Variants in DPYD observed in about 807,000 individuals in gnomAD.
The protein encoded by DPYD is dihydropyrimidine dehydrogenase [NADP(+)].
DPYD carries 109 observed loss-of-function variants against 116.2 expected under a neutral mutation model. The observed-to-expected ratio is 0.94, with a 90% CI of 0.80 to 1.10. DPYD has a LOEUF of 1.10. Among genes scored for constraint, DPYD ranks in the 50% least tolerant of loss-of-function variants. The pLI is 0.00. For missense variants in DPYD, 1,302 were observed against 1,254.5 expected, an observed-to-expected ratio of 1.04 and a Z score of -0.57; for synonymous variants, 440 against 432.0, an observed-to-expected ratio of 1.02 and a Z score of -0.23.
At position 97,566,141 on chromosome 1, in the gene DPYD, A is replaced by C. The variant is rs189058246; in HGVS notation, c.1339+7619T>G. The stretch of plus-strand genomic sequence containing the variant: ...CACTTCCTCTAGGAAGCTTCCCTGA[A>C]TGCTTAGACTCTGTTCTGTGCTTCC... On this transcript the variant is annotated intron_variant, in intron 11 of 22. Coordinates refer to ENST00000370192, the MANE Select transcript of DPYD (RefSeq NM_000110.4). Among the ~76,000 whole-genome samples, 11 of 152,226 alleles carry C rather than the reference A, an allele frequency of 7.2e-5. No homozygotes were observed. In the East Asian group the frequency reaches 1.7e-3, roughly 24 times the overall value.
chr1:97,139,827 C>G (rs1654081446), intron 20 of DPYD, among the ~76,000 whole-genome samples: 1 of 152,040 alleles, frequency 6.6e-6, no homozygotes, highest in Non-Finnish European at 1.5e-5. Context: ...GGGATCTTTC[C>G]CTGTCACCCA....
intron 3 of DPYD, among the ~76,000 whole-genome samples, chr1:97,759,562 A>T (rs956057294): frequency 6.6e-6 from 1 of 152,168 alleles, no homozygotes; most frequent in Non-Finnish European, 1.5e-5. Flanking sequence ...TTAGAAGACA[A>T]GCAAATTTTT....
intron 9 of DPYD, among the ~76,000 whole-genome samples, chr1:97,593,628 A>G (rs1007754974): frequency 2.0e-5 from 3 of 152,166 alleles, no homozygotes; most frequent in Non-Finnish European, 2.9e-5. Context: ...GGATTCCTAC[A>G]ACACATTTTG....
intron 14 of DPYD, among the ~76,000 whole-genome samples, chr1:97,398,648 T>C (rs573078052): frequency 6.6e-6 from 1 of 152,298 alleles, no homozygotes; most frequent in South Asian, 2.1e-4. Context: ...CTAACTGGTG[T>C]GAGATGGTAT....
chr1:97,403,586 T>C (rs1327496181), intron 14 of DPYD, among the ~76,000 whole-genome samples: 1 of 152,050 alleles, frequency 6.6e-6, no homozygotes, highest in Admixed American at 6.6e-5. Flanking sequence ...TCATCAAATC[T>C]GTGGGCATGG....
chr1:97,153,351 T>C (rs1171042925), intron 20 of DPYD, among the ~76,000 whole-genome samples: 2 of 152,084 alleles, frequency 1.3e-5, no homozygotes, highest in Non-Finnish European at 2.9e-5. Context: ...CAACTTTAGG[T>C]CTGGCTCTAT....
At chr1:97,642,373 G>T (rs1048557470) in intron 8 of DPYD, among the ~76,000 whole-genome samples, 1 of 152,054 alleles carries the variant, frequency 6.6e-6, no homozygotes, top group African/African-American at 2.4e-5. Flanking sequence ...AAAACAGCAT[G>T]GTACTGGTAC....
chr1:97,173,036 G>C (rs1202886713), intron 20 of DPYD, among the ~76,000 whole-genome samples: 1 of 151,944 alleles, frequency 6.6e-6, no homozygotes, highest in Non-Finnish European at 1.5e-5. Context: ...TAATTGAATG[G>C]TTACGGGCAC....
chr1:97,088,300 T>A (rs150117614), intron 21 of DPYD, among the ~76,000 whole-genome samples: 48 of 152,344 alleles, frequency 3.2e-4, no homozygotes, highest in African/African-American at 1.0e-3. Context: ...AACTCTAAGT[T>A]AACGTGGAAT....
At chr1:97,107,721 C>A (rs1651276088) in intron 20 of DPYD, among the ~76,000 whole-genome samples, 2 of 152,074 alleles carry the variant, frequency 1.3e-5, no homozygotes, top group African/African-American at 4.8e-5. Context: ...AAGTAACTTG[C>A]TACAATTAAT....
At chr1:97,577,204 T>C (rs1005977653) in intron 10 of DPYD, among the ~76,000 whole-genome samples, 1 of 152,156 alleles carries the variant, frequency 6.6e-6, no homozygotes, top group African/African-American at 2.4e-5. Context: ...TTGACACACA[T>C]AGTTTCCAAT....
chr1:97,305,477 A>G (rs759621974), intron 17 of DPYD, 99 bp from the exon 18 acceptor site: 54 of 1,509,044 alleles, frequency 3.6e-5, no homozygotes, highest in Non-Finnish European at 4.5e-5. Flanking sequence ...ATTCTATTTT[A>G]TCTTGAGAAC....
chr1:97,791,032 C>A (rs553178308), intron 3 of DPYD, among the ~76,000 whole-genome samples: 1 of 152,240 alleles, frequency 6.6e-6, no homozygotes, highest in South Asian at 2.1e-4. Context: ...GTTGGTTCAT[C>A]CAAAGTTATG....
chr1:97,822,655 A>C (rs924889978), intron 3 of DPYD, among the ~76,000 whole-genome samples: 2 of 152,064 alleles, frequency 1.3e-5, no homozygotes, highest in African/African-American at 4.8e-5. Context: ...CCTTTCCTTA[A>C]ATGCAGCAGT....
intron 20 of DPYD, among the ~76,000 whole-genome samples, chr1:97,188,109 A>T (rs1189467962): frequency 6.6e-6 from 1 of 152,154 alleles, no homozygotes; most frequent in African/African-American, 2.4e-5. Context: ...ACTGAGAATG[A>T]TGTATCTGGT....
intron 20 of DPYD, among the ~76,000 whole-genome samples, chr1:97,101,401 G>A (rs773651715): frequency 7.2e-6 from 1 of 138,408 alleles, no homozygotes; most frequent in East Asian, 2.2e-4. Flanking sequence ...ATTCTCTCCC[G>A]CAACAAAGGA....
chr1:97,608,261 A>G (rs1427839680), intron 8 of DPYD, among the ~76,000 whole-genome samples: 2 of 152,048 alleles, frequency 1.3e-5, no homozygotes, highest in Non-Finnish European at 2.9e-5. Flanking sequence ...AAATAATATA[A>G]AAGGGACATA....
At chr1:97,227,438 T>C (rs1023061777) in intron 19 of DPYD, among the ~76,000 whole-genome samples, 5 of 151,798 alleles carry the variant, frequency 3.3e-5, no homozygotes, top group Non-Finnish European at 7.4e-5. Context: ...CATTTCAGTT[T>C]ATCAACTGTG....
intron 19 of DPYD, among the ~76,000 whole-genome samples, chr1:97,222,441 T>C (rs968008329): frequency 2.6e-5 from 4 of 152,128 alleles, no homozygotes; most frequent in Non-Finnish European, 5.9e-5. Flanking sequence ...TAATTTCTCT[T>C]GAATCTAGAT....
Sources: allele counts gnomAD v4.1 joint callset (sites outside exome capture counted in the v4.1 genomes callset), GRCh38; gene constraint gnomAD v4.1.1; transcripts MANE v1.5; gene names NCBI Gene and HGNC (gene_info 2026-07-23, HGNC 2026-07-21).